DIDO1: variants seen among roughly 807,000 people sequenced by gnomAD.
The protein encoded by DIDO1 is death inducer-obliterator 1.
A neutral mutation model predicts 99.4 loss-of-function variants in DIDO1; 16 were observed. The ratio of observed to expected loss-of-function variants is 0.16; its 90% CI spans 0.11 to 0.24. The LOEUF (loss-of-function observed/expected upper bound fraction) is 0.24, where lower values mean the gene tolerates loss of function less well. Among genes scored for constraint, DIDO1 ranks in the 10% least tolerant of loss-of-function variants. The pLI is 1.00. For missense variants in DIDO1, 2,996 were observed against 3,014.0 expected, an observed-to-expected ratio of 0.99 and a Z score of 0.14; for synonymous variants, 1,366 against 1,239.1, an observed-to-expected ratio of 1.10 and a Z score of -2.15.
chr20:62,936,011 C>A (rs1297588624), intron 1 of DIDO1, among the ~76,000 whole-genome samples: 2 of 152,236 alleles, frequency 1.3e-5, no homozygotes, highest in Non-Finnish European at 2.9e-5. Context: ...AACCTGTGAC[C>A]CACAGGCAGG....
At chr20:62,890,220 C>G in intron 15 of DIDO1, 1 of 985,934 alleles carries the variant, frequency 1.0e-6, no homozygotes, top group Non-Finnish European at 1.2e-6. Flanking sequence ...CCTCTGGGGA[C>G]TGCATGGCCA....
In DIDO1 at chr20:62,907,245, T is replaced by C. The variant is rs1277401788; in HGVS notation, c.1276A>G (p.Met426Val). The C allele has an allele frequency of 3.1e-6, 5 of 1,614,268 alleles. No homozygotes were observed. Among genetic ancestry groups the C allele is most frequent in the Non-Finnish European group, 4.2e-6 (5 of 1,180,046 alleles). Residue 426 changes from methionine to valine, a missense_variant, in exon 5 of 16, where the codon ATG becomes GTG. Physicochemically the swap from Met to Val is conservative, Grantham distance 21. Coordinates refer to ENST00000395343, the MANE Select transcript of DIDO1 (RefSeq NM_001193369.2). Reference sequence around the variant, plus strand: ...TCTTTACCTGAGCTTAGAAACTTCATTGTCGCTGCGGCGTGTTTGAGGATA... The same window carrying C: ...TCTTTACCTGAGCTTAGAAACTTCACTGTCGCTGCGGCGTGTTTGAGGATA... ...DCILKHAAATMKFLSSGKEQK... is the reference protein window; with the variant it reads ...DCILKHAAATVKFLSSGKEQK...
chr20:62,911,563 T>G lies in DIDO1; in HGVS notation c.50A>C (p.Lys17Thr). Residue 17 changes from lysine to threonine, a missense_variant, in exon 3 of 16, where the codon AAA (lysine) becomes ACA (threonine). Transcript: ENST00000395343. The surrounding 1 kb of genome is among the most constrained non-coding windows in gnomAD (Gnocchi z 7.0). ...TTTCCTGAACTCTTTGCTGGTGGGT[T>G]TGATGGCCTTAGGTGCCTCCTCATT... ...PSNEEAPKAI[K>T]PTSKEFRKTW... 6.2e-7 allele frequency: 1 copy of G among 1,609,480 alleles called. No individual in the cohort carries two copies.
At chr20:62,922,255 C>CA (rs1555851842) in intron 1 of DIDO1, among the ~76,000 whole-genome samples, 5 of 149,224 alleles carry the variant, frequency 3.4e-5, no homozygotes, top group African/African-American at 1.2e-4. Context: ...CACACACACA[C>CA]ATATATATAC....
chr20:62,911,019 G>A lies in DIDO1; in HGVS notation c.594C>T (p.Ala198=), dbSNP rs373768309. The A allele has an allele frequency of 1.4e-5, 22 of 1,613,732 alleles. No individual in the cohort carries two copies. The highest frequency in any genetic ancestry group is 8.3e-5 in the Admixed American group (5 of 59,998). ...LRKKRREEGP[A]ETVGSEASDT... ...CACTGGCCTCGGAGCCCACAGTCTC[G>A]GCGGGACCCTCCTCCCGGCGCTTCT... The change falls in exon 3 of 16, where the codon GCC becomes GCT. Residue 198 remains alanine, a synonymous_variant. Transcript: ENST00000395343. This position sits in a 1 kb window ranked among gnomAD's most constrained non-coding sequence, Gnocchi z 7.0.
Position 62,880,662 on chromosome 20 carries a change from C to T in DIDO1, c.5294G>A (p.Gly1765Glu), listed in dbSNP as rs753481942. 11 of 1,612,832 alleles carry T rather than the reference C, an allele frequency of 6.8e-6. No homozygotes were observed. The highest frequency in any genetic ancestry group is 1.7e-6 in the Non-Finnish European group (2 of 1,179,990). The change falls in exon 16 of 16, where the codon GGG (glycine) becomes GAG (glutamate). Residue 1765 changes from glycine (G) to glutamate (E), a missense_variant. Physicochemically the swap from Gly to Glu is moderately conservative, Grantham distance 98. Around this residue, in one of 5 missense-constraint regions of DIDO1, gnomAD observed 1,562 missense variants for 1,412.6 expected, o/e 1.11. Coordinates refer to ENST00000395343, the MANE Select transcript of DIDO1 (RefSeq NM_001193369.2). ...EPGPHALGMS[G>E]LHGPNFPGPR... is the part of the protein sequence containing the mutation. ...TCCCGGGAAATTGGGGCCGTGAAGC[C>T]CTGACATCCCCAAAGCATGAGGTCC...
At chr20:62,934,081 G>A (rs1296638599) in intron 1 of DIDO1, among the ~76,000 whole-genome samples, 1 of 152,214 alleles carries the variant, frequency 6.6e-6, no homozygotes, top group Non-Finnish European at 1.5e-5. Context: ...AGCTCAGGCA[G>A]TTGATGAATC....
rs1167575383 is a variant in DIDO1, at chr20:62,894,232, C to T, written c.2573-38G>A. ...AGGAAAGGCTCTGTGAGAAACCCAGCCGGCACACTGGTGTTTCTCACACAA... is the reference window on the plus strand; with the variant it reads ...AGGAAAGGCTCTGTGAGAAACCCAGTCGGCACACTGGTGTTTCTCACACAA... On this transcript the variant is annotated intron_variant, in intron 11 of 15. Transcript: ENST00000395343. The surrounding 1 kb of genome is among the most constrained non-coding windows in gnomAD (Gnocchi z 4.4). 2 of 1,597,368 alleles carry T rather than the reference C, an allele frequency of 1.3e-6. No individual in the cohort carries two copies. Among genetic ancestry groups the T allele is most frequent in the Non-Finnish European group, 8.6e-7 (1 of 1,169,288 alleles).
intron 6 of DIDO1, among the ~76,000 whole-genome samples, chr20:62,903,314 C>T (rs2064725618): frequency 6.6e-6 from 1 of 152,162 alleles, no homozygotes; most frequent in South Asian, 2.1e-4. Flanking sequence ...CAACCGAGTG[C>T]CATGGGAAGG....
intron 3 of DIDO1, among the ~76,000 whole-genome samples, chr20:62,910,527 C>T (rs1220271177): frequency 6.6e-6 from 1 of 152,220 alleles, no homozygotes. Flanking sequence ...GCTCACGTGA[C>T]TGGGGTGGGG....
Position 62,893,654 on chromosome 20 carries a change from T to C in DIDO1, c.3101+12A>G. ...AAGTTTGGCTTGTTCAGACCACACCTGAAGTACGCACCTGATATTTGGTGA... is the reference window on the plus strand; with the variant it reads ...AAGTTTGGCTTGTTCAGACCACACCCGAAGTACGCACCTGATATTTGGTGA... On this transcript the variant is annotated intron_variant, in intron 12 of 15. Transcript: ENST00000395343. The C allele has an allele frequency of 1.3e-6, 2 of 1,586,076 alleles. No homozygotes were observed. The highest frequency in any genetic ancestry group is 8.6e-7 in the Non-Finnish European group (1 of 1,159,188).
At chr20:62,925,574 C>T (rs1436079262) in intron 1 of DIDO1, among the ~76,000 whole-genome samples, 1 of 152,208 alleles carries the variant, frequency 6.6e-6, no homozygotes, top group African/African-American at 2.4e-5. Context: ...TAACTGGTAA[C>T]GCAGTAAGCT....
At chr20:62,927,114 G>C (rs546889980), upstream of DIDO1, among the ~76,000 whole-genome samples, 1 of 151,988 alleles carries the variant, frequency 6.6e-6, no homozygotes, top group Admixed American at 6.6e-5. Context: ...GCGTGGGGGT[G>C]GGGGGGAGAG....
At chr20:62,921,742 C>T (rs2065140123) in intron 1 of DIDO1, among the ~76,000 whole-genome samples, 1 of 151,102 alleles carries the variant, frequency 6.6e-6, no homozygotes. Flanking sequence ...TCAGGTTATC[C>T]TTCTACCTCA....
chr20:62,907,126 G>T (rs747880752), intron 5 of DIDO1, 21 bp downstream of exon 5: 2 of 1,612,754 alleles, frequency 1.2e-6, no homozygotes, highest in Admixed American at 1.7e-5. Flanking sequence ...CTGCCTGGGC[G>T]GCTGGTCCTG....
intron 6 of DIDO1, among the ~76,000 whole-genome samples, chr20:62,902,924 AAATACCATCTCAAAATTTTGAG>A (rs1232323858): frequency 4.6e-5 from 7 of 152,328 alleles, no homozygotes; most frequent in East Asian, 1.9e-4. Context: ...TGCACCTATC[AAATACCATCTCAAAATTTTGAG>A]AATTCCATCT....
At chr20:62,893,473 T>C (rs950604192) in intron 12 of DIDO1, among the ~76,000 whole-genome samples, 193 bp downstream of exon 12, 3 of 152,214 alleles carry the variant, frequency 2.0e-5, no homozygotes, top group Non-Finnish European at 4.4e-5. Context: ...CAAATTTAAA[T>C]GTCAATTTCT....
intron 5 of DIDO1, among the ~76,000 whole-genome samples, 172 bp downstream of exon 5, chr20:62,906,975 G>A (rs936032654): frequency 6.6e-5 from 10 of 152,168 alleles, no homozygotes; most frequent in African/African-American, 1.9e-4. Flanking sequence ...CTCAGCTAAC[G>A]GGCAGAGAAG....
At chr20:62,937,469 G>A (rs1029705566) in intron 1 of DIDO1, among the ~76,000 whole-genome samples, 1 of 152,356 alleles carries the variant, frequency 6.6e-6, no homozygotes, top group African/African-American at 2.4e-5. Flanking sequence ...GCGCGCCCTG[G>A]CCGCGTCCCG....
Sources: allele counts gnomAD v4.1 joint callset (sites outside exome capture counted in the v4.1 genomes callset), GRCh38; gene constraint gnomAD v4.1.1; regional missense constraint gnomAD v4.1.1; non-coding constraint Gnocchi (gnomAD v3.1); transcripts MANE v1.5; gene names NCBI Gene and HGNC (gene_info 2026-07-23, HGNC 2026-07-21).